The following PTPRM variants were observed in gnomAD, a reference collection of about 807,000 sequenced individuals.
PTPRM encodes the protein receptor-type tyrosine-protein phosphatase mu.
PTPRM carries 47 observed loss-of-function variants against 186.7 expected under a neutral mutation model. The ratio of observed to expected loss-of-function variants is 0.25; its 90% CI spans 0.20 to 0.32. The LOEUF is 0.32. Among genes scored for constraint, PTPRM ranks in the 10% least tolerant of loss-of-function variants. The pLI is 1.00. For missense variants in PTPRM, 1,494 were observed against 1,865.0 expected, an observed-to-expected ratio of 0.80 and a Z score of 3.66; for synonymous variants, 668 against 674.9, an observed-to-expected ratio of 0.99 and a Z score of 0.16.
At chr18:8,390,858 G>T (rs1212884115) in intron 31 of PTPRM, among the ~76,000 whole-genome samples, 1 of 151,912 alleles carries the variant, frequency 6.6e-6, no homozygotes, top group African/African-American at 2.4e-5. Context: ...AACCCGGGAG[G>T]CGGAGCTTGC....
intron 7 of PTPRM, among the ~76,000 whole-genome samples, chr18:8,044,639 C>T (rs2086904852): frequency 6.6e-6 from 1 of 151,730 alleles, no homozygotes; most frequent in South Asian, 2.1e-4. Flanking sequence ...TGCCTGTAAT[C>T]CCAGCTAATC....
At chr18:8,191,465 G>C (rs1161017075) in intron 14 of PTPRM, among the ~76,000 whole-genome samples, 1 of 152,150 alleles carries the variant, frequency 6.6e-6, no homozygotes, top group East Asian at 1.9e-4. Flanking sequence ...AAATGTGGAA[G>C]AGGCAAGGGA....
chr18:8,157,530 G>A (rs1262659074), intron 14 of PTPRM, among the ~76,000 whole-genome samples: 1 of 152,232 alleles, frequency 6.6e-6, no homozygotes, highest in Admixed American at 6.5e-5. Context: ...ACAGCTAGCT[G>A]GAATGAGACA....
At chr18:8,384,379 G>T (rs1366799795) in intron 29 of PTPRM, among the ~76,000 whole-genome samples, 182 bp from the exon 30 acceptor site, 1 of 152,072 alleles carries the variant, frequency 6.6e-6, no homozygotes, top group Non-Finnish European at 1.5e-5. Context: ...GGTTGCTTGA[G>T]CCCAGGAGCT....
chr18:8,107,066 T>C (rs1160634429), intron 11 of PTPRM, among the ~76,000 whole-genome samples: 6 of 152,250 alleles, frequency 3.9e-5, no homozygotes, highest in Admixed American at 2.0e-4. Flanking sequence ...TCTTTCTATT[T>C]TTATTCAAAT....
chr18:7,725,668 T>C (rs1477792994), intron 1 of PTPRM, among the ~76,000 whole-genome samples: 1 of 151,860 alleles, frequency 6.6e-6, no homozygotes, highest in African/African-American at 2.4e-5. Context: ...GGAGGGACAG[T>C]TTGATGATGT....
chr18:7,707,741 A>G (rs917701373), intron 1 of PTPRM, among the ~76,000 whole-genome samples: 6 of 152,174 alleles, frequency 3.9e-5, no homozygotes, highest in Non-Finnish European at 2.9e-5. Flanking sequence ...AAGCAGATAG[A>G]GTGGGATTAA....
At chr18:8,399,060 C>T (rs1389258841) in intron 32 of PTPRM, among the ~76,000 whole-genome samples, 1 of 152,168 alleles carries the variant, frequency 6.6e-6, no homozygotes, top group Admixed American at 6.5e-5. Context: ...GTCTAATTGG[C>T]TTGTATTAGT....
intron 1 of PTPRM, among the ~76,000 whole-genome samples, chr18:7,737,383 C>T (rs982144574): frequency 3.9e-5 from 6 of 152,238 alleles, no homozygotes; most frequent in African/African-American, 1.4e-4. Context: ...GCATGAGCCA[C>T]AGTGCCCGGC....
At chr18:7,823,205 A>G (rs6506535) in intron 2 of PTPRM, among the ~76,000 whole-genome samples, 107,426 of 152,040 alleles carry the variant, frequency 0.71, 39,354 homozygotes, top group East Asian at 0.94. Context: ...TCTTCCCTCC[A>G]CTCCCTGCAG....
intron 28 of PTPRM, 123 bp downstream of exon 28, chr18:8,379,463 T>C: frequency 3.8e-6 from 4 of 1,064,930 alleles, no homozygotes; most frequent in South Asian, 4.4e-5. Context: ...AACTTTTTTT[T>C]CCAACAAAAA....
chr18:7,914,785 A>T (rs1412589798), intron 4 of PTPRM, among the ~76,000 whole-genome samples: 1 of 152,164 alleles, frequency 6.6e-6, no homozygotes, highest in Non-Finnish European at 1.5e-5. Context: ...TCTCAGCGTT[A>T]GAGTAAGCAG....
intron 2 of PTPRM, among the ~76,000 whole-genome samples, chr18:7,855,186 C>CGTAA (rs1567920934): frequency 6.6e-6 from 1 of 152,144 alleles, no homozygotes; most frequent in East Asian, 1.9e-4. Flanking sequence ...TACACTCTTA[C>CGTAA]ATTGTTATTA....
At chr18:7,859,208 T>G (rs1667116075) in intron 2 of PTPRM, among the ~76,000 whole-genome samples, 1 of 152,218 alleles carries the variant, frequency 6.6e-6, no homozygotes, top group African/African-American at 2.4e-5. Context: ...TGTATAGATA[T>G]ATATGATAAA....
At chr18:8,394,716 A>G in intron 32 of PTPRM, 105 bp downstream of exon 32, 1 of 1,217,428 alleles carries the variant, frequency 8.2e-7, no homozygotes, top group Non-Finnish European at 1.1e-6. Context: ...GAAGAGACTC[A>G]TTTTCAAAAT....
At chr18:7,881,850 A>C (rs189425857) in intron 2 of PTPRM, among the ~76,000 whole-genome samples, 157 of 152,190 alleles carry the variant, frequency 1.0e-3, no homozygotes, top group Admixed American at 5.0e-3. Context: ...CACCATGACC[A>C]TGTGTGTCCA....
intron 20 of PTPRM, among the ~76,000 whole-genome samples, chr18:8,308,214 A>G (rs914823889): frequency 6.6e-6 from 1 of 152,176 alleles, no homozygotes; most frequent in African/African-American, 2.4e-5. Context: ...CACACCTACA[A>G]GTGTGAGTGG....
At chr18:7,925,533 C>T (rs2051120552) in intron 4 of PTPRM, among the ~76,000 whole-genome samples, 1 of 152,118 alleles carries the variant, frequency 6.6e-6, no homozygotes, top group Non-Finnish European at 1.5e-5. Context: ...AGTAGTGGGG[C>T]ACCCTTTTTT....
At chr18:7,842,947 TAGAG>T (rs1555616950) in intron 2 of PTPRM, among the ~76,000 whole-genome samples, 2,915 of 112,010 alleles carry the variant, frequency 0.026, 58 homozygotes, top group Middle Eastern at 0.043. Context: ...TATATATATA[TAGAG>T]AGAGAGAGAG....
Sources: gnomAD v4.1 joint callset for allele counts (sites outside exome capture counted in the v4.1 genomes callset) on GRCh38, gnomAD v4.1.1 for gene constraint, MANE v1.5 for transcripts, NCBI Gene and HGNC (gene_info 2026-07-23, HGNC 2026-07-21) for gene names.